ABHD12: variants seen among roughly 807,000 people sequenced by gnomAD.
The protein encoded by ABHD12 is abhydrolase domain containing 12, lysophospholipase.
ABHD12 carries 43 observed loss-of-function variants against 58.3 expected under a neutral mutation model. The ratio of observed to expected loss-of-function variants is 0.74; its 90% CI spans 0.58 to 0.95. The LOEUF (loss-of-function observed/expected upper bound fraction) is 0.95. Among genes scored for constraint, ABHD12 ranks in the 40% least tolerant of loss-of-function variants. ABHD12 has a pLI of 0.00. For synonymous variants in ABHD12, 219 were observed against 211.2 expected (o/e 1.04, Z -0.32); for missense variants, 539 against 537.2 (o/e 1.00, Z -0.03).
chr20:25,387,525 A>G (rs1447435947), intron 1 of ABHD12, among the ~76,000 whole-genome samples: 1 of 144,994 alleles, frequency 6.9e-6, no homozygotes, highest in Admixed American at 7.3e-5. Flanking sequence ...GCCAGGAAGA[A>G]GGATCGCTTG....
Position 25,300,437 on chromosome 20 carries a change from AAGAACC to A in ABHD12, c.*402_*407del. ...TCTGCATGTGCTGGGAAGGTGCAGA[AAGAACC>A]TGGACCCCACGTTCTCTGTGGGTGG... On this transcript the variant is annotated 3_prime_UTR_variant, in exon 13 of 13. Coordinates refer to ENST00000339157, the MANE Select transcript of ABHD12 (RefSeq NM_001042472.3). 8.5e-7 allele frequency: 1 copy of A among 1,174,332 alleles called. No individual in the cohort carries two copies. Among genetic ancestry groups the A allele is most frequent in the South Asian group, 1.9e-5 (1 of 52,824 alleles). The allele number at this position is 1,174,332 out of a possible 1,614,324, so 72.7% of individuals were successfully genotyped here.
At chr20:25,344,427 C>T (rs1418830664) in intron 1 of ABHD12, among the ~76,000 whole-genome samples, 3 of 152,218 alleles carry the variant, frequency 2.0e-5, no homozygotes, top group Non-Finnish European at 4.4e-5. Context: ...TTGCCATTTA[C>T]ATTAGCAACC....
intron 1 of ABHD12, among the ~76,000 whole-genome samples, chr20:25,352,954 G>A (rs1466977400): frequency 6.6e-6 from 1 of 152,116 alleles, no homozygotes; most frequent in East Asian, 1.9e-4. Context: ...TGAGTCTGTA[G>A]TGAGCTATGA....
At chr20:25,381,784 C>CT (rs1312127064) in intron 1 of ABHD12, among the ~76,000 whole-genome samples, 5 of 152,050 alleles carry the variant, frequency 3.3e-5, no homozygotes, top group African/African-American at 1.2e-4. Context: ...GAGATAATCC[C>CT]TCACCTGGGA....
intron 1 of ABHD12, among the ~76,000 whole-genome samples, chr20:25,377,126 G>A (rs2089971100): frequency 1.3e-5 from 2 of 152,178 alleles, no homozygotes; most frequent in South Asian, 2.1e-4. Context: ...CAGCTGGCCT[G>A]TACTGGCCTA....
At chr20:25,364,770 A>G (rs866840966) in intron 1 of ABHD12, among the ~76,000 whole-genome samples, 3 of 152,224 alleles carry the variant, frequency 2.0e-5, no homozygotes, top group Admixed American at 1.3e-4. Context: ...ACTGGCAAAG[A>G]ATAAGAATAT....
intron 6 of ABHD12, among the ~76,000 whole-genome samples, chr20:25,314,694 A>T (rs1293212833): frequency 6.6e-6 from 1 of 151,862 alleles, no homozygotes; most frequent in African/African-American, 2.4e-5. Flanking sequence ...AAAAAAAAAA[A>T]AAGTTGCTGA....
chr20:25,374,455 A>G (rs2089937418), intron 1 of ABHD12, among the ~76,000 whole-genome samples: 1 of 152,084 alleles, frequency 6.6e-6, no homozygotes, highest in Admixed American at 6.6e-5. Flanking sequence ...ATGACTCTCC[A>G]CTTAACTTCT....
intron 1 of ABHD12, among the ~76,000 whole-genome samples, chr20:25,389,374 A>G (rs1490603636): frequency 6.6e-6 from 1 of 152,188 alleles, no homozygotes; most frequent in African/African-American, 2.4e-5. Context: ...TAAGCAATGA[A>G]GTTGAAATTC....
rs1363015464 is a variant in ABHD12, at chr20:25,390,715, C to A, written c.-12G>T. 6 of 1,353,236 alleles carry A rather than the reference C, an allele frequency of 4.4e-6. No homozygotes were observed. The Admixed American group carries it at 1.2e-4, about 28-fold the overall frequency. 83.8% of individuals were successfully genotyped at this position (1,353,236 alleles called of 1,614,324 possible). A position where few individuals can be genotyped will look rare whatever the true frequency, so the allele number is the denominator to read the frequency against. On this transcript the variant is annotated 5_prime_UTR_variant, in exon 1 of 13. Coordinates refer to ENST00000339157, the MANE Select transcript of ABHD12 (RefSeq NM_001042472.3). ...GTCCGCTTCCTCATCCCGCGGCCGACAGGGCCAGCCGCCGACGGCGCCCGC... is the reference window on the plus strand; with the variant it reads ...GTCCGCTTCCTCATCCCGCGGCCGAAAGGGCCAGCCGCCGACGGCGCCCGC...
intron 2 of ABHD12, among the ~76,000 whole-genome samples, chr20:25,338,408 C>T (rs2089407601): frequency 6.6e-6 from 1 of 152,226 alleles, no homozygotes; most frequent in Admixed American, 6.5e-5. Flanking sequence ...GGCTGTCCTT[C>T]ACAGAACACC....
intron 10 of ABHD12, among the ~76,000 whole-genome samples, chr20:25,304,568 T>C (rs1259135815): frequency 6.6e-6 from 1 of 152,180 alleles, no homozygotes. Context: ...CTTTTTTTGT[T>C]TGTTTTTATT....
intron 1 of ABHD12, among the ~76,000 whole-genome samples, chr20:25,378,807 C>T (rs2089989493): frequency 6.6e-6 from 1 of 151,938 alleles, no homozygotes; most frequent in South Asian, 2.1e-4. Flanking sequence ...CACTGACAGC[C>T]GTGTCCACGT....
At chr20:25,386,425 A>T (rs1366917775) in intron 1 of ABHD12, among the ~76,000 whole-genome samples, 1 of 150,726 alleles carries the variant, frequency 6.6e-6, no homozygotes, top group Non-Finnish European at 1.5e-5. Context: ...CGCCTGGCTA[A>T]TTTTTTTTGT....
intron 3 of ABHD12, among the ~76,000 whole-genome samples, chr20:25,321,556 A>C (rs2089066742): frequency 6.6e-6 from 1 of 152,270 alleles, no homozygotes; most frequent in South Asian, 2.1e-4. Flanking sequence ...CCACCAACAC[A>C]CAGCAACACA....
chr20:25,319,204 C>T (rs1465384747), intron 4 of ABHD12, among the ~76,000 whole-genome samples: 1 of 152,210 alleles, frequency 6.6e-6, no homozygotes, highest in Non-Finnish European at 1.5e-5. Flanking sequence ...ATCCCCTCCG[C>T]ACCCACCCTG....
rs2089861198 is a variant in ABHD12 at position 25,368,875 on chromosome 20, CCA to C, written c.191+21636_191+21637del. On this transcript the variant is annotated intron_variant, in intron 1 of 12. Coordinates refer to ENST00000339157, the MANE Select transcript of ABHD12 (RefSeq NM_001042472.3). ...GGCGCAGTGGCTCATGCCTGTAATT[CCA>C]GTGCTTTGGGAGGCTGCGGCAGGAT... 4 of 435,460 alleles carry C rather than the reference CCA, an allele frequency of 9.2e-6. No homozygotes were observed. The East Asian group carries it at 2.2e-4, about 24-fold the overall frequency. 27.0% of individuals were successfully genotyped at this position (435,460 alleles called of 1,614,324 possible).
chr20:25,317,367 C>T (rs2145961812), intron 4 of ABHD12, among the ~76,000 whole-genome samples: 1 of 152,322 alleles, frequency 6.6e-6, no homozygotes, highest in Middle Eastern at 3.4e-3. Flanking sequence ...AGCAAGGCCT[C>T]ATCCACCACA....
rs975885271 is a variant in ABHD12, at chr20:25,323,321, T to G, written c.422+4A>C. ...GAGGGGCTGCAGAGCTCACTGGCAC[T>G]CACCAGACTCCAATGGTCACGTCTT... On this transcript the variant is annotated splice_donor_region_variant and intron_variant, in intron 3 of 12. Transcript: ENST00000339157. The G allele has an allele frequency of 6.2e-7, 1 of 1,604,954 alleles. No homozygotes were observed. Among genetic ancestry groups the G allele is most frequent in the African/African-American group, 1.3e-5 (1 of 74,746 alleles).
Sources: allele counts gnomAD v4.1 joint callset (sites outside exome capture counted in the v4.1 genomes callset), GRCh38; gene constraint gnomAD v4.1.1; transcripts MANE v1.5; gene names NCBI Gene and HGNC (gene_info 2026-07-23, HGNC 2026-07-21).